Variants in PTGER4 observed in about 807,000 individuals in gnomAD.
PTGER4 encodes the protein prostaglandin E2 receptor EP4 subtype.
In PTGER4, 11 loss-of-function variants were observed where a neutral mutation model predicts 33.2. The ratio of observed to expected loss-of-function variants is 0.33; its 90% CI spans 0.21 to 0.55. The LOEUF (loss-of-function observed/expected upper bound fraction) is 0.55, where lower values mean the gene tolerates loss of function less well. PTGER4 is among the 20% of genes least tolerant of loss of function. The probability of loss-of-function intolerance (pLI) is 0.92; values close to 1 mark genes in which losing one functional copy is unlikely to be tolerated. For synonymous variants in PTGER4, 275 were observed against 281.5 expected, an observed-to-expected ratio of 0.98 and a Z score of 0.23; for missense variants, 481 against 650.2, an observed-to-expected ratio of 0.74 and a Z score of 2.83.
the PTGER4 span, among the ~76,000 whole-genome samples, chr5:40,718,362 T>C: frequency 6.6e-6 from 1 of 151,594 alleles, no homozygotes; most frequent in Non-Finnish European, 1.5e-5. Context: ...GCCAAGATGG[T>C]GCCACTGCAC....
chr5:40,708,400 A>G, the PTGER4 span, among the ~76,000 whole-genome samples: 1 of 152,236 alleles, frequency 6.6e-6, no homozygotes, highest in Admixed American at 6.5e-5. Context: ...AATACTATAA[A>G]CACCTCTATG....
chr5:40,736,928 G>T, the PTGER4 span, among the ~76,000 whole-genome samples: 1 of 152,104 alleles, frequency 6.6e-6, no homozygotes, highest in Non-Finnish European at 1.5e-5. Context: ...ATTTCTTGGG[G>T]GTTGGGTAGA....
chr5:40,717,561 A>G, the PTGER4 span, among the ~76,000 whole-genome samples: 4 of 152,230 alleles, frequency 2.6e-5, no homozygotes, highest in African/African-American at 9.6e-5. Flanking sequence ...ATATTCAGCA[A>G]CATCCCTGAC....
At chr5:40,698,318 A>T (rs1423810114), downstream of PTGER4, among the ~76,000 whole-genome samples, 1 of 151,956 alleles carries the variant, frequency 6.6e-6, no homozygotes, top group East Asian at 1.9e-4. Flanking sequence ...ATAAACATAG[A>T]TTGAAACCTA....
chr5:40,694,995 C>G (rs1162088555), downstream of PTGER4, among the ~76,000 whole-genome samples: 1 of 152,206 alleles, frequency 6.6e-6, no homozygotes, highest in Non-Finnish European at 1.5e-5. Context: ...ACTATTAAAT[C>G]CTACCATCTC....
chr5:40,741,420 CA>C, the PTGER4 span, among the ~76,000 whole-genome samples: 1 of 152,188 alleles, frequency 6.6e-6, no homozygotes, highest in East Asian at 1.9e-4. Context: ...ACGAATGGTT[CA>C]GCTTACAACT....
Position 40,693,309 on chromosome 5 carries a change from A to G in PTGER4, c.*931A>G. 1 of 972,700 alleles carries G rather than the reference A, an allele frequency of 1.0e-6. No individual in the cohort carries two copies. Among genetic ancestry groups the G allele is most frequent in the Non-Finnish European group, 1.2e-6 (1 of 818,136 alleles). The allele number at this position is 972,700 out of a possible 1,614,324, so 60.3% of individuals were successfully genotyped here. A position where few individuals can be genotyped will look rare whatever the true frequency, so the allele number is the denominator to read the frequency against. ...TAAATAACCCATAATTGAAGTGTAT[A>G]ATATAAAAAATTTTAAAAATCTAAG... On this transcript the variant is annotated 3_prime_UTR_variant, in exon 3 of 3. Transcript: ENST00000302472.
the PTGER4 span, among the ~76,000 whole-genome samples, chr5:40,724,291 A>T: frequency 6.6e-6 from 1 of 152,218 alleles, no homozygotes; most frequent in East Asian, 1.9e-4. Flanking sequence ...ATTCTGCATA[A>T]TTCCACTTAT....
At chr5:40,737,347 T>G in the PTGER4 span, among the ~76,000 whole-genome samples, 2 of 149,990 alleles carry the variant, frequency 1.3e-5, no homozygotes, top group East Asian at 1.9e-4. Flanking sequence ...CTACAGGTGA[T>G]GCACAAGAGT....
chr5:40,705,722 A>G, the PTGER4 span, among the ~76,000 whole-genome samples: 3 of 152,264 alleles, frequency 2.0e-5, no homozygotes, highest in African/African-American at 7.2e-5. Context: ...AGCATATAAA[A>G]AAAGCTCAAT....
the PTGER4 span, among the ~76,000 whole-genome samples, chr5:40,738,455 AAT>A: frequency 3.9e-4 from 29 of 74,406 alleles, no homozygotes; most frequent in African/African-American, 1.4e-3. Flanking sequence ...AATACAATAC[AAT>A]ACAATACAAT....
rs777589617 is a variant in PTGER4 at position 40,683,869 on chromosome 5, A to G, written c.867+2009A>G. ...CAGATTAACCACATTTTAACTAACA[A>G]GAAATACTGTCCACCTGTATAATGT... On this transcript the variant is annotated intron_variant, in intron 2 of 2. Transcript: ENST00000302472. This position sits in a 1 kb window ranked among gnomAD's most constrained non-coding sequence, Gnocchi z 4.2. 9.8e-5 allele frequency among the ~76,000 whole-genome samples: 15 copies of G among 152,356 alleles called. No individual in the cohort carries two copies. Among genetic ancestry groups the G allele is most frequent in the African/African-American group, 1.4e-4 (6 of 41,588 alleles).
At chr5:40,725,255 G>A in the PTGER4 span, among the ~76,000 whole-genome samples, 1 of 151,294 alleles carries the variant, frequency 6.6e-6, no homozygotes, top group Admixed American at 6.6e-5. Context: ...CCAAAGTGCT[G>A]AGATTATACG....
At chr5:40,707,326 A>G in the PTGER4 span, among the ~76,000 whole-genome samples, 1 of 152,320 alleles carries the variant, frequency 6.6e-6, no homozygotes, top group East Asian at 1.9e-4. Flanking sequence ...AAATAAAGGG[A>G]CGGAGGAAGA....
downstream of PTGER4, among the ~76,000 whole-genome samples, chr5:40,697,667 G>A (rs1038825476): frequency 3.2e-4 from 43 of 132,710 alleles, no homozygotes; most frequent in African/African-American, 1.2e-3. Context: ...CAAAGGGAGT[G>A]TTATAGTTCT....
the PTGER4 span, among the ~76,000 whole-genome samples, chr5:40,724,199 A>G: frequency 2.0e-5 from 3 of 152,244 alleles, no homozygotes; most frequent in African/African-American, 7.2e-5. Flanking sequence ...GCTTCAAAAA[A>G]GAAGCAAATT....
chr5:40,722,591 G>A, the PTGER4 span, among the ~76,000 whole-genome samples: 13 of 151,528 alleles, frequency 8.6e-5, no homozygotes, highest in East Asian at 2.0e-4. Context: ...GTCTCTGACC[G>A]GCCGCCCCGT....
chr5:40,716,257 G>C, the PTGER4 span: 2,219 of 1,614,172 alleles, frequency 1.4e-3, 4 homozygotes, highest in Non-Finnish European at 1.5e-3. Flanking sequence ...TTTATTTGCT[G>C]AAACTGTCTT....
rs113932434 is a variant in PTGER4 at position 40,681,305 on chromosome 5, G to C, written c.312G>C (p.Leu104=). The C allele has an allele frequency of 1.3e-5, 21 of 1,614,058 alleles. No individual in the cohort carries two copies. Among genetic ancestry groups the C allele is most frequent in the Non-Finnish European group, 1.6e-5 (19 of 1,180,046 alleles). Reference sequence around the variant, plus strand: ...CCTTCATTCTGCTCTTCTTCAGCCTGTCCGGCCTCAGCATCATCTGCGCCA... The same window carrying C: ...CCTTCATTCTGCTCTTCTTCAGCCTCTCCGGCCTCAGCATCATCTGCGCCA... ...YSTFILLFFS[L]SGLSIICAMS... The change falls in exon 2 of 3, where the codon CTG becomes CTC. Residue 104 remains leucine (L), a synonymous_variant. Transcript: ENST00000302472. The surrounding 1 kb of genome is among the most constrained non-coding windows in gnomAD (Gnocchi z 9.8).
Sources: gnomAD v4.1 joint callset for allele counts (sites outside exome capture counted in the v4.1 genomes callset) on GRCh38, gnomAD v4.1.1 for gene constraint, Gnocchi (gnomAD v3.1) non-coding constraint, MANE v1.5 for transcripts, NCBI Gene and HGNC (gene_info 2026-07-23, HGNC 2026-07-21) for gene names.